The following SAXO1 variants were observed in gnomAD, a reference collection of about 807,000 sequenced individuals.
SAXO1 encodes the protein stabilizer of axonemal microtubules 1.
A neutral mutation model predicts 17.5 loss-of-function variants in SAXO1; 21 were observed. That is an observed-to-expected ratio of 1.20 (90% CI 0.85 to 1.72). The LOEUF (loss-of-function observed/expected upper bound fraction) is 1.72, where lower values mean the gene tolerates loss of function less well. Ranked by LOEUF, SAXO1 falls within the 40% of genes most tolerant of loss-of-function variation. The pLI, the probability that SAXO1 is intolerant of heterozygous loss-of-function variation, is 0.00. For synonymous variants in SAXO1, 274 were observed against 216.5 expected (o/e 1.27, Z -2.33); for missense variants, 843 against 596.0 (o/e 1.41, Z -4.32).
rs531245646 is a variant in SAXO1 at position 18,987,266 on chromosome 9, G to A, written c.39-36329C>T. ...CTCACCCCTTCACCCAGGGAGAGCCGCATGTTTTCTCTCCCTCTTCCTCAT... is the reference window on the plus strand; with the variant it reads ...CTCACCCCTTCACCCAGGGAGAGCCACATGTTTTCTCTCCCTCTTCCTCAT... On this transcript the variant is annotated intron_variant, in intron 1 of 3. Transcript: ENST00000380534. Among the ~76,000 whole-genome samples the A allele has an allele frequency of 3.9e-5, 6 of 152,214 alleles. No homozygotes were observed. The East Asian group carries it at 5.8e-4, about 15-fold the overall frequency.
chr9:19,001,601 A>G (rs1239425239), intron 1 of SAXO1, among the ~76,000 whole-genome samples: 1 of 151,336 alleles, frequency 6.6e-6, no homozygotes, highest in African/African-American at 2.4e-5. Flanking sequence ...CGGGAGGCGG[A>G]GCTTGCACTG....
At chr9:18,996,524 A>G (rs1289899966) in intron 1 of SAXO1, among the ~76,000 whole-genome samples, 7 of 152,238 alleles carry the variant, frequency 4.6e-5, no homozygotes, top group Non-Finnish European at 1.5e-5. Context: ...ACAGTATTAA[A>G]TCTTATGGAA....
At chr9:18,936,354 C>T (rs1293896410) in intron 3 of SAXO1, among the ~76,000 whole-genome samples, 1 of 152,116 alleles carries the variant, frequency 6.6e-6, no homozygotes, top group Non-Finnish European at 1.5e-5. Flanking sequence ...CCACATGTTT[C>T]CTGCCCACCC....
In SAXO1 at chr9:18,928,624, G is replaced by C. The variant is rs1299735157; in HGVS notation, c.853C>G (p.Arg285Gly). 6.2e-6 allele frequency: 10 copies of C among 1,614,002 alleles called. No individual in the cohort carries two copies. Among genetic ancestry groups the C allele is most frequent in the Non-Finnish European group, 8.5e-6 (10 of 1,180,026 alleles). Residue 285 changes from arginine to glycine, a missense_variant, in exon 4 of 4, where the codon CGG (arginine) becomes GGG (glycine). Coordinates refer to ENST00000380534, the MANE Select transcript of SAXO1 (RefSeq NM_153707.4). ...RDKYQAWPMPRMFSKAPITYV... is the reference protein window; with the variant it reads ...RDKYQAWPMPGMFSKAPITYV... ...GTGATGGGAGCTTTGGAGAACATCC[G>C]GGGCATTGGCCAAGCTTGGTACTTA...
intron 1 of SAXO1, among the ~76,000 whole-genome samples, chr9:18,963,115 G>A (rs1832557252): frequency 6.6e-6 from 1 of 152,152 alleles, no homozygotes. Flanking sequence ...TTGTAGATAT[G>A]TGGTGTTATT....
At chr9:18,992,152 T>A (rs1032558128) in intron 1 of SAXO1, among the ~76,000 whole-genome samples, 3 of 152,192 alleles carry the variant, frequency 2.0e-5, no homozygotes, top group African/African-American at 7.2e-5. Context: ...CCCCACTACA[T>A]ATCACTTTCC....
chr9:18,977,670 G>A (rs1419905365), intron 1 of SAXO1, among the ~76,000 whole-genome samples: 1 of 152,038 alleles, frequency 6.6e-6, no homozygotes. Flanking sequence ...GTATGAAAAT[G>A]GCATGTGTAT....
chr9:18,964,448 G>A (rs556801652), intron 1 of SAXO1, among the ~76,000 whole-genome samples: 1 of 152,276 alleles, frequency 6.6e-6, no homozygotes, highest in South Asian at 2.1e-4. Flanking sequence ...CTCAATTTCA[G>A]AACTTGTTAT....
intron 1 of SAXO1, among the ~76,000 whole-genome samples, chr9:19,022,220 C>T (rs999069152): frequency 6.6e-6 from 1 of 152,202 alleles, no homozygotes; most frequent in Non-Finnish European, 1.5e-5. Flanking sequence ...AGCTCCACTC[C>T]TTAAGTCAGA....
At chr9:18,997,520 A>G (rs1163642274) in intron 1 of SAXO1, among the ~76,000 whole-genome samples, 2 of 152,156 alleles carry the variant, frequency 1.3e-5, no homozygotes, top group Non-Finnish European at 2.9e-5. Flanking sequence ...TCTAGATTCC[A>G]CCTCTGGGGG....
At chr9:18,997,371 T>C (rs1834050802) in intron 1 of SAXO1, among the ~76,000 whole-genome samples, 1 of 152,236 alleles carries the variant, frequency 6.6e-6, no homozygotes, top group African/African-American at 2.4e-5. Flanking sequence ...CAACCTGGGA[T>C]GCTGGAGTGT....
chr9:19,015,311 G>A (rs1050689723), intron 1 of SAXO1, among the ~76,000 whole-genome samples: 24 of 151,892 alleles, frequency 1.6e-4, no homozygotes, highest in African/African-American at 5.6e-4. Context: ...GACTACAAGT[G>A]TGCACCACCA....
At chr9:19,024,905 C>T (rs967306463) in intron 1 of SAXO1, among the ~76,000 whole-genome samples, 5 of 152,176 alleles carry the variant, frequency 3.3e-5, no homozygotes, top group African/African-American at 1.2e-4. Context: ...CTGCCCACTA[C>T]AGAACAGAAT....
intron 1 of SAXO1, among the ~76,000 whole-genome samples, chr9:19,038,720 A>C (rs564095769): frequency 1.3e-5 from 2 of 152,000 alleles, no homozygotes; most frequent in Admixed American, 1.3e-4. Context: ...ACTAACCTGC[A>C]CATTGTGCAC....
chr9:18,934,204 C>A (rs2131678254), intron 3 of SAXO1, among the ~76,000 whole-genome samples: 1 of 152,030 alleles, frequency 6.6e-6, no homozygotes, highest in East Asian at 1.9e-4. Context: ...TGGATTGTGC[C>A]TCTTGAATGT....
intron 1 of SAXO1, among the ~76,000 whole-genome samples, chr9:19,025,725 A>G (rs948993471): frequency 6.6e-6 from 1 of 152,226 alleles, no homozygotes; most frequent in Non-Finnish European, 1.5e-5. Flanking sequence ...GGTGCACTGT[A>G]AGCTGTAAAA....
intron 1 of SAXO1, among the ~76,000 whole-genome samples, chr9:18,978,547 G>A (rs1240691582): frequency 2.0e-5 from 3 of 152,204 alleles, no homozygotes; most frequent in African/African-American, 7.2e-5. Flanking sequence ...GAGCCATTGT[G>A]CAAGGTGAGC....
intron 1 of SAXO1, among the ~76,000 whole-genome samples, chr9:18,961,038 G>C (rs1832462652): frequency 6.6e-6 from 1 of 152,116 alleles, no homozygotes; most frequent in Non-Finnish European, 1.5e-5. Context: ...TGCACCTCAA[G>C]ATTTGTTCAT....
At chr9:19,022,389 C>A (rs1302688429) in intron 1 of SAXO1, among the ~76,000 whole-genome samples, 1 of 152,210 alleles carries the variant, frequency 6.6e-6, no homozygotes, top group Admixed American at 6.5e-5. Context: ...CCAGAAGGAA[C>A]CAATTCCAGA....
Sources: gnomAD v4.1 joint callset for allele counts (sites outside exome capture counted in the v4.1 genomes callset) on GRCh38, gnomAD v4.1.1 for gene constraint, MANE v1.5 for transcripts, NCBI Gene and HGNC (gene_info 2026-07-23, HGNC 2026-07-21) for gene names.